GADL1: variants seen among roughly 807,000 people sequenced by gnomAD.
GADL1 encodes the protein acidic amino acid decarboxylase GADL1.
Under a neutral mutation model 69.5 loss-of-function variants are expected in GADL1, and 71 were observed. That is an observed-to-expected ratio of 1.02 (90% CI 0.84 to 1.25). The LOEUF is 1.25. Among genes scored for constraint, GADL1 ranks in the 50% most tolerant of loss-of-function variants. The pLI is 0.00. For synonymous variants in GADL1, 254 were observed against 214.4 expected (o/e 1.18, Z -1.62); for missense variants, 737 against 631.8 (o/e 1.17, Z -1.79).
intron 1 of GADL1, among the ~76,000 whole-genome samples, chr3:30,879,251 G>C (rs961296710): frequency 6.6e-6 from 1 of 151,876 alleles, no homozygotes; most frequent in Admixed American, 6.6e-5. Context: ...TTTTGGTGAT[G>C]GTATAGACAT....
At chr3:30,820,983 T>C (rs1411114111) in intron 11 of GADL1, among the ~76,000 whole-genome samples, 1 of 152,046 alleles carries the variant, frequency 6.6e-6, no homozygotes, top group Non-Finnish European at 1.5e-5. Flanking sequence ...CATGGAATAC[T>C]ATGCAGCCAT....
At position 30,839,038 on chromosome 3, in the gene GADL1, C is replaced by T. The variant is rs1697920340; in HGVS notation, c.862G>A (p.Ala288Thr). 6.2e-7 allele frequency: 1 copy of T among 1,606,710 alleles called. No individual in the cohort carries two copies. Among genetic ancestry groups the T allele is most frequent in the Non-Finnish European group, 8.5e-7 (1 of 1,176,992 alleles). The change falls in exon 9 of 15, where the codon GCA (alanine) becomes ACA (threonine). Residue 288 changes from alanine (A) to threonine (T), a missense_variant. By Grantham distance (58) the Ala-to-Thr change is moderately conservative. Transcript: ENST00000282538. The stretch of plus-strand genomic sequence containing the variant: ...AGGCTGTGCCTCTCGCAGATGTCTG[C>T]TATTTCATCCAGAGGGTCAAAAGCT... ...LGAFDPLDEIADICERHSLWL... is the reference protein window; with the variant it reads ...LGAFDPLDEITDICERHSLWL...
intron 14 of GADL1, among the ~76,000 whole-genome samples, chr3:30,731,562 G>A (rs1485393194): frequency 6.6e-6 from 1 of 152,176 alleles, no homozygotes; most frequent in Non-Finnish European, 1.5e-5. Flanking sequence ...TTAATATAAA[G>A]ATACTTTGGA....
At chr3:30,756,252 T>C (rs6774419) in intron 14 of GADL1, among the ~76,000 whole-genome samples, 3,151 of 152,242 alleles carry the variant, frequency 0.021, 111 homozygotes, top group African/African-American at 0.072. Flanking sequence ...GTTCTGAAAC[T>C]CAGCTACTCA....
chr3:30,809,320 C>T (rs1364819298), intron 11 of GADL1, among the ~76,000 whole-genome samples: 2 of 152,126 alleles, frequency 1.3e-5, no homozygotes, highest in African/African-American at 4.8e-5. Flanking sequence ...GGTTTGCATA[C>T]AGCTTGGAGA....
intron 4 of GADL1, among the ~76,000 whole-genome samples, chr3:30,853,201 C>G (rs994581472): frequency 6.6e-6 from 1 of 152,148 alleles, no homozygotes; most frequent in Non-Finnish European, 1.5e-5. Flanking sequence ...ACTCTATACT[C>G]TGTCCCCTAG....
At chr3:30,833,165 A>G (rs1697819045) in intron 11 of GADL1, among the ~76,000 whole-genome samples, 1 of 152,082 alleles carries the variant, frequency 6.6e-6, no homozygotes, top group African/African-American at 2.4e-5. Context: ...AGGCATTTCT[A>G]AGAATGAAGT....
At chr3:30,858,904 C>T (rs1698272871) in intron 2 of GADL1, among the ~76,000 whole-genome samples, 2 of 151,822 alleles carry the variant, frequency 1.3e-5, no homozygotes, top group Non-Finnish European at 2.9e-5. Context: ...GAGGGCACGC[C>T]AGAGAGGTAG....
At chr3:30,775,023 G>C (rs1248686503) in intron 14 of GADL1, among the ~76,000 whole-genome samples, 2 of 152,170 alleles carry the variant, frequency 1.3e-5, no homozygotes, top group African/African-American at 2.4e-5. Flanking sequence ...ATATCATAAT[G>C]AGTGAGAGTC....
chr3:30,762,370 G>A lies in GADL1; in HGVS notation c.1392+15809C>T, dbSNP rs76931887. On this transcript the variant is annotated intron_variant, in intron 14 of 14. Coordinates refer to ENST00000282538, the MANE Select transcript of GADL1 (RefSeq NM_207359.3). ...CCTTCGAAGACTGAAGTTTTCATGCGATTTTTGAATTGTCAAGCATGAAAA... is the reference window on the plus strand; with the variant it reads ...CCTTCGAAGACTGAAGTTTTCATGCAATTTTTGAATTGTCAAGCATGAAAA... Among the ~76,000 whole-genome samples, 1,354 of 152,216 alleles carry A rather than the reference G, an allele frequency of 8.9e-3. 24 individuals carry two copies. The highest frequency in any genetic ancestry group is 0.031 in the African/African-American group (1,285 of 41,524).
intron 13 of GADL1, among the ~76,000 whole-genome samples, chr3:30,781,680 A>C (rs1696668513): frequency 6.6e-6 from 1 of 152,214 alleles, no homozygotes; most frequent in African/African-American, 2.4e-5. Flanking sequence ...CTTTGGGATG[A>C]GTATCAAACT....
chr3:30,859,590 G>A (rs531567382), intron 2 of GADL1, among the ~76,000 whole-genome samples: 7 of 151,978 alleles, frequency 4.6e-5, no homozygotes, highest in South Asian at 2.1e-4. Flanking sequence ...CCATCATATC[G>A]TAGTAATAGT....
intron 11 of GADL1, among the ~76,000 whole-genome samples, chr3:30,808,109 C>T (rs1364157198): frequency 6.6e-6 from 1 of 151,860 alleles, no homozygotes; most frequent in Non-Finnish European, 1.5e-5. Context: ...TTAGGTTGGG[C>T]CATGAATAGT....
At chr3:30,749,204 T>A (rs974143964) in intron 14 of GADL1, among the ~76,000 whole-genome samples, 8 of 152,150 alleles carry the variant, frequency 5.3e-5, no homozygotes, top group Non-Finnish European at 8.8e-5. Context: ...ATTGATTCTA[T>A]CCAGTCTTAA....
At chr3:30,881,274 T>C (rs1698637514) in intron 1 of GADL1, among the ~76,000 whole-genome samples, 1 of 151,918 alleles carries the variant, frequency 6.6e-6, no homozygotes, top group Admixed American at 6.6e-5. Context: ...ATCATATAAC[T>C]AGAACATATG....
intron 14 of GADL1, among the ~76,000 whole-genome samples, chr3:30,774,029 C>A (rs1015575237): frequency 1.3e-5 from 2 of 152,114 alleles, no homozygotes; most frequent in African/African-American, 2.4e-5. Flanking sequence ...ACATGGAGAG[C>A]TTTGGATGCC....
intron 14 of GADL1, among the ~76,000 whole-genome samples, chr3:30,767,483 C>T (rs1696309243): frequency 6.6e-6 from 1 of 152,016 alleles, no homozygotes; most frequent in African/African-American, 2.4e-5. Flanking sequence ...CATAAGACCC[C>T]ATAATAAAGT....
intron 14 of GADL1, among the ~76,000 whole-genome samples, chr3:30,752,365 T>C: frequency 6.9e-6 from 1 of 145,142 alleles, no homozygotes. Context: ...GCACAATCTA[T>C]TTAAGTGGTG....
At chr3:30,781,638 G>C (rs1696667636) in intron 13 of GADL1, among the ~76,000 whole-genome samples, 1 of 152,212 alleles carries the variant, frequency 6.6e-6, no homozygotes, top group Non-Finnish European at 1.5e-5. Context: ...GGAGTTGCAA[G>C]GATGTGGCTT....
Sources: allele counts gnomAD v4.1 joint callset (sites outside exome capture counted in the v4.1 genomes callset), GRCh38; gene constraint gnomAD v4.1.1; transcripts MANE v1.5; gene names NCBI Gene and HGNC (gene_info 2026-07-23, HGNC 2026-07-21).